The following LOC128706666 variants were observed in gnomAD, a reference collection of about 807,000 sequenced individuals.
At chr20:10,419,220 A>C in the LOC128706666 span, among the ~76,000 whole-genome samples, 6 of 152,148 alleles carry the variant, frequency 3.9e-5, no homozygotes, top group Non-Finnish European at 7.4e-5. Flanking sequence ...ATTCACCTCA[A>C]GGTTAAAAAG....
At chr20:10,426,814 A>G in the LOC128706666 span, among the ~76,000 whole-genome samples, 1 of 152,240 alleles carries the variant, frequency 6.6e-6, no homozygotes, top group Admixed American at 6.5e-5. Flanking sequence ...CAAAAAAATT[A>G]GAGGGCAAAA....
At chr20:10,421,586 T>C in the LOC128706666 span, among the ~76,000 whole-genome samples, 34 of 152,214 alleles carry the variant, frequency 2.2e-4, no homozygotes, top group African/African-American at 7.5e-4. Context: ...CAGTAAAAGA[T>C]TTCTGGCTTG....
the LOC128706666 span, among the ~76,000 whole-genome samples, chr20:10,427,514 T>G: frequency 6.6e-6 from 1 of 152,232 alleles, no homozygotes; most frequent in Non-Finnish European, 1.5e-5. Flanking sequence ...ACAATGACAA[T>G]GTTGGCTTTA....
At chr20:10,429,966 C>A in the LOC128706666 span, among the ~76,000 whole-genome samples, 1 of 152,174 alleles carries the variant, frequency 6.6e-6, no homozygotes, top group African/African-American at 2.4e-5. Flanking sequence ...AAGTTTGAGA[C>A]CCACTGTTCT....
chr20:10,416,160 T>TGTC, the LOC128706666 span, among the ~76,000 whole-genome samples: 4 of 152,094 alleles, frequency 2.6e-5, no homozygotes, highest in Non-Finnish European at 4.4e-5. Context: ...GGGTTTTTGT[T>TGTC]GTTGTTGCAG....
the LOC128706666 span, among the ~76,000 whole-genome samples, chr20:10,421,225 T>C: frequency 6.6e-6 from 1 of 151,878 alleles, no homozygotes; most frequent in Non-Finnish European, 1.5e-5. Context: ...AGGTCAGGAG[T>C]TCGAGACCAG....
chr20:10,425,364 A>G, the LOC128706666 span, among the ~76,000 whole-genome samples: 2 of 152,260 alleles, frequency 1.3e-5, no homozygotes, highest in Non-Finnish European at 2.9e-5. Context: ...AAAATATGCT[A>G]TGGCAATAAA....
chr20:10,414,414 C>A, the LOC128706666 span, among the ~76,000 whole-genome samples: 2 of 151,962 alleles, frequency 1.3e-5, no homozygotes, highest in Non-Finnish European at 2.9e-5. Flanking sequence ...TACAGGCATG[C>A]GCCACCATGC....
chr20:10,433,827 G>A, the LOC128706666 span, among the ~76,000 whole-genome samples: 20 of 152,268 alleles, frequency 1.3e-4, no homozygotes, highest in East Asian at 2.7e-3. Context: ...AGGTGGGAGC[G>A]TGGTGAGGCG....
the LOC128706666 span, among the ~76,000 whole-genome samples, chr20:10,426,859 A>C: frequency 6.6e-6 from 1 of 152,218 alleles, no homozygotes; most frequent in South Asian, 2.1e-4. Flanking sequence ...TCCGTGACCT[A>C]CTAATGGTTG....
At chr20:10,432,952 A>G in the LOC128706666 span, among the ~76,000 whole-genome samples, 21 of 152,190 alleles carry the variant, frequency 1.4e-4, no homozygotes, top group African/African-American at 5.1e-4. Context: ...ATGACAAGAA[A>G]AAAGGTCTGC....
the LOC128706666 span, among the ~76,000 whole-genome samples, chr20:10,421,557 T>C: frequency 3.1e-3 from 473 of 152,270 alleles, 4 homozygotes; most frequent in African/African-American, 0.011. Flanking sequence ...TTGCAACAGC[T>C]GAACATGGAT....
At chr20:10,421,937 A>G in the LOC128706666 span, among the ~76,000 whole-genome samples, 3 of 152,116 alleles carry the variant, frequency 2.0e-5, no homozygotes, top group Admixed American at 2.0e-4. Flanking sequence ...GAGACATGCT[A>G]TGAACTTGGC....
At chr20:10,423,031 A>C in the LOC128706666 span, among the ~76,000 whole-genome samples, 1 of 152,060 alleles carries the variant, frequency 6.6e-6, no homozygotes, top group Non-Finnish European at 1.5e-5. Context: ...CATTACTTTT[A>C]AGAGCCATTT....
chr20:10,417,977 C>T, the LOC128706666 span, among the ~76,000 whole-genome samples: 2 of 152,160 alleles, frequency 1.3e-5, no homozygotes, highest in East Asian at 1.9e-4. Flanking sequence ...AAATGCAATA[C>T]GTAGACCTTG....
At chr20:10,431,768 C>A in the LOC128706666 span, 1 of 152,186 alleles carries the variant, frequency 6.6e-6, no homozygotes, top group African/African-American at 2.4e-5. Flanking sequence ...AGCCACTTGT[C>A]TTCTCTGCTA....
the LOC128706666 span, among the ~76,000 whole-genome samples, chr20:10,417,337 G>A: frequency 1.3e-5 from 2 of 152,052 alleles, no homozygotes; most frequent in African/African-American, 2.4e-5. Context: ...CTGGCTAGAC[G>A]CAGTGGCTCT....
At chr20:10,419,486 C>T in the LOC128706666 span, among the ~76,000 whole-genome samples, 1 of 152,066 alleles carries the variant, frequency 6.6e-6, no homozygotes, top group Admixed American at 6.6e-5. Context: ...AGTGACCTCC[C>T]CCATTTATCT....
the LOC128706666 span, among the ~76,000 whole-genome samples, chr20:10,427,043 C>CACACAG: frequency 8.1e-6 from 1 of 122,884 alleles, no homozygotes; most frequent in South Asian, 2.3e-4. Flanking sequence ...CACACACACA[C>CACACAG]ACACACACAC....
Sources: allele counts gnomAD v4.1 joint callset (sites outside exome capture counted in the v4.1 genomes callset), GRCh38; gene constraint gnomAD v4.1.1; transcripts MANE v1.5.